SCIMP: variants seen among roughly 807,000 people sequenced by gnomAD.
SCIMP encodes the protein SLP adapter and CSK-interacting membrane protein.
Under a neutral mutation model 22.0 loss-of-function variants are expected in SCIMP, and 18 were observed. The observed-to-expected ratio is 0.82, with a 90% confidence interval of 0.56 to 1.21. SCIMP has a LOEUF of 1.21. Among genes scored for constraint, SCIMP ranks in the 50% most tolerant of loss-of-function variants. The probability of loss-of-function intolerance (pLI) is 0.00; values close to 1 mark genes in which losing one functional copy is unlikely to be tolerated. For synonymous variants in SCIMP, 53 were observed against 62.2 expected (o/e 0.85, Z 0.70); for missense variants, 155 against 171.2 (o/e 0.91, Z 0.53).
Position 5,209,237 on chromosome 17 carries a change from C to A in SCIMP, c.*1564G>T, listed in dbSNP as rs891045123. 4 of 152,380 alleles carry A rather than the reference C, an allele frequency of 2.6e-5. No homozygotes were observed. Among genetic ancestry groups the A allele is most frequent in the African/African-American group, 9.6e-5 (4 of 41,536 alleles). 9.4% of individuals were successfully genotyped at this position (152,380 alleles called of 1,614,324 possible). A position where few individuals can be genotyped will look rare whatever the true frequency, so the allele number is the denominator to read the frequency against. ...GCAACCTCCGCCTCCCAGTTTCAAG[C>A]GATTCTTCTGCCTCAGCCTCCCAAG... On this transcript the variant is annotated 3_prime_UTR_variant, in exon 5 of 5. Transcript: ENST00000574081.
At chr17:5,227,997 AC>A (rs2074664522) in intron 1 of SCIMP, among the ~76,000 whole-genome samples, 1 of 151,934 alleles carries the variant, frequency 6.6e-6, no homozygotes, top group Non-Finnish European at 1.5e-5. Context: ...ACATGGTGAA[AC>A]CCCGTCTCTA....
intron 3 of SCIMP, chr17:5,215,330 G>A: frequency 4.9e-6 from 1 of 204,868 alleles, no homozygotes. Context: ...CAAAACAGAT[G>A]AGCCGGGCAT....
At chr17:5,220,432 CAAAAAAAAAA>C (rs908309110) in intron 3 of SCIMP, among the ~76,000 whole-genome samples, 3 of 63,736 alleles carry the variant, frequency 4.7e-5, no homozygotes, top group East Asian at 4.3e-4. Flanking sequence ...ACCCCATCTC[CAAAAAAAAAA>C]AAAAAAAAAA....
At chr17:5,218,046 G>A (rs555325477) in intron 3 of SCIMP, among the ~76,000 whole-genome samples, 167 of 150,828 alleles carry the variant, frequency 1.1e-3, no homozygotes, top group African/African-American at 3.9e-3. Context: ...TTTTTTTTGA[G>A]ACAGGGTCTC....
At chr17:5,215,251 A>T (rs2074557509) in intron 3 of SCIMP, 1 of 413,854 alleles carries the variant, frequency 2.4e-6, no homozygotes. Context: ...AATTCAGAGC[A>T]TGGAGCACAC....
chr17:5,232,718 T>C (rs2074712311), intron 1 of SCIMP, among the ~76,000 whole-genome samples: 1 of 151,268 alleles, frequency 6.6e-6, no homozygotes, highest in Non-Finnish European at 1.5e-5. Flanking sequence ...TCTTCTTCTT[T>C]TTTTTTTTTT....
In SCIMP at chr17:5,225,389, C is replaced by G. The variant is rs971174075; in HGVS notation, c.22-1933G>C. 2.0e-5 allele frequency among the ~76,000 whole-genome samples: 3 copies of G among 151,670 alleles called. No individual in the cohort carries two copies. The East Asian group carries it at 5.9e-4, about 30-fold the overall frequency. On this transcript the variant is annotated intron_variant, in intron 1 of 4. Coordinates refer to ENST00000574081, the MANE Select transcript of SCIMP (RefSeq NM_207103.3). ...CTGAGGCGGGAGAATTGCTTAAAGC[C>G]AGGAAGCAGAGGTGGCAGTAAGCCG...
At chr17:5,228,654 AG>A (rs1328446740) in intron 1 of SCIMP, among the ~76,000 whole-genome samples, 5 of 152,084 alleles carry the variant, frequency 3.3e-5, no homozygotes, top group Middle Eastern at 3.2e-3. Context: ...CAAAAAAAAA[AG>A]AAAAAACAGT....
intron 3 of SCIMP, among the ~76,000 whole-genome samples, chr17:5,216,598 G>A (rs187095608): frequency 2.2e-4 from 34 of 152,138 alleles, no homozygotes; most frequent in African/African-American, 8.2e-4. Flanking sequence ...TCTGGGAGGC[G>A]GAGGTTACAG....
At position 5,209,382 on chromosome 17, in the gene SCIMP, C is replaced by T. The variant is rs1036229767; in HGVS notation, c.*1419G>A. On this transcript the variant is annotated 3_prime_UTR_variant, in exon 5 of 5. Coordinates refer to ENST00000574081, the MANE Select transcript of SCIMP (RefSeq NM_207103.3). Reference sequence around the variant, plus strand: ...CTCCCGACCTCAGGTGATCCGCCCACCTTGGCCTCCCAAGGAGGTATTAAT... The same window carrying T: ...CTCCCGACCTCAGGTGATCCGCCCATCTTGGCCTCCCAAGGAGGTATTAAT... The T allele has an allele frequency of 3.9e-5, 6 of 152,222 alleles. No individual in the cohort carries two copies. Among genetic ancestry groups the T allele is most frequent in the Non-Finnish European group, 8.8e-5 (6 of 68,090 alleles). 9.4% of individuals were successfully genotyped at this position (152,222 alleles called of 1,614,324 possible).
At chr17:5,218,208 C>T (rs905540375) in intron 3 of SCIMP, among the ~76,000 whole-genome samples, 1 of 151,058 alleles carries the variant, frequency 6.6e-6, no homozygotes, top group Non-Finnish European at 1.5e-5. Context: ...GTATTTTTCT[C>T]AGATATGGGT....
intron 1 of SCIMP, among the ~76,000 whole-genome samples, chr17:5,227,765 T>A (rs1420541675): frequency 6.6e-6 from 1 of 152,226 alleles, no homozygotes; most frequent in African/African-American, 2.4e-5. Context: ...CATGGCGCTT[T>A]CTTCACAATT....
At chr17:5,221,909 G>A (rs979098564) in intron 2 of SCIMP, among the ~76,000 whole-genome samples, 3 of 151,388 alleles carry the variant, frequency 2.0e-5, no homozygotes, top group East Asian at 1.9e-4. Context: ...AGTAGCTGAC[G>A]TTACAGGTGC....
At position 5,223,276 on chromosome 17, in the gene SCIMP, C is replaced by T; in HGVS notation, c.145+57G>A. On this transcript the variant is annotated intron_variant, in intron 2 of 4. Transcript: ENST00000574081. ...ATTTGCTTGCCCTAAAGGAGCTCTACTGCACCGATAACCACCTGGCTCCTC... is the reference window on the plus strand; with the variant it reads ...ATTTGCTTGCCCTAAAGGAGCTCTATTGCACCGATAACCACCTGGCTCCTC... The T allele has an allele frequency of 3.1e-6, 5 of 1,600,482 alleles. No individual in the cohort carries two copies. In the South Asian group the frequency reaches 4.4e-5, roughly 14 times the overall value.
chr17:5,212,344 C>T (rs962228506), intron 4 of SCIMP, among the ~76,000 whole-genome samples: 1 of 151,928 alleles, frequency 6.6e-6, no homozygotes, highest in Non-Finnish European at 1.5e-5. Flanking sequence ...TAAAAATGTA[C>T]CTGGCTTGGG....
chr17:5,223,416 A>T lies in SCIMP; in HGVS notation c.62T>A (p.Ile21Asn). 3.7e-6 allele frequency: 6 copies of T among 1,613,804 alleles called. No individual in the cohort carries two copies. Among genetic ancestry groups the T allele is most frequent in the Non-Finnish European group, 5.1e-6 (6 of 1,179,718 alleles). The change falls in exon 2 of 5, where the codon ATC (isoleucine) becomes AAC (asparagine). Residue 21 changes from isoleucine to asparagine, a missense_variant. Transcript: ENST00000574081. ...AMSWWRNNFW[I>N]ILAVAIIVVS... Reference sequence around the variant, plus strand: ...AACGATGATGGCCACAGCTAAGATGATCCAGAAATTATTCCTCCACCAGCT... The same window carrying T: ...AACGATGATGGCCACAGCTAAGATGTTCCAGAAATTATTCCTCCACCAGCT...
At chr17:5,232,030 TG>T (rs2074701090) in intron 1 of SCIMP, among the ~76,000 whole-genome samples, 2 of 151,068 alleles carry the variant, frequency 1.3e-5, no homozygotes, top group Admixed American at 1.3e-4. Context: ...CACTCCAGCC[TG>T]GGCGACAGAG....
Position 5,210,621 on chromosome 17 carries a change from C to A in SCIMP, c.*180G>T. On this transcript the variant is annotated 3_prime_UTR_variant, in exon 5 of 5. Transcript: ENST00000574081. The stretch of plus-strand genomic sequence containing the variant: ...CCCATGTGTCTCCTCTGGCTGCAGT[C>A]ATCCGATCGCAGGGGTGTCTTCATC... The A allele has an allele frequency of 1.4e-6, 1 of 726,002 alleles. No homozygotes were observed. The highest frequency in any genetic ancestry group is 2.1e-6 in the Non-Finnish European group (1 of 470,572). 45.0% of individuals were successfully genotyped at this position (726,002 alleles called of 1,614,324 possible).
chr17:5,232,018 T>C (rs915717569), intron 1 of SCIMP, among the ~76,000 whole-genome samples: 3 of 151,752 alleles, frequency 2.0e-5, no homozygotes, highest in Admixed American at 6.6e-5. Context: ...ATTGCGCCAC[T>C]GCACTCCAGC....
Sources: allele counts gnomAD v4.1 joint callset (sites outside exome capture counted in the v4.1 genomes callset), GRCh38; gene constraint gnomAD v4.1.1; transcripts MANE v1.5; gene names NCBI Gene and HGNC (gene_info 2026-07-23, HGNC 2026-07-21).